Variants in TRIM3 observed in about 807,000 individuals in gnomAD.
TRIM3 encodes tripartite motif-containing protein 3.
In TRIM3, 13 loss-of-function variants were observed where a neutral mutation model predicts 66.6. The ratio of observed to expected loss-of-function variants is 0.20; its 90% confidence interval spans 0.13 to 0.31. TRIM3 has a LOEUF of 0.31. Among genes scored for constraint, TRIM3 ranks in the 10% least tolerant of loss-of-function variants. The pLI, the probability that TRIM3 is intolerant of heterozygous loss-of-function variation, is 1.00. For missense variants in TRIM3, 711 were observed against 1,020.4 expected (o/e 0.70, Z 4.13); for synonymous variants, 406 against 411.7 (o/e 0.99, Z 0.17).
In TRIM3 at chr11:6,457,412, T is replaced by C; in HGVS notation, c.580A>G (p.Lys194Glu). ...CTGATCTGGGCCAGGGCCTCTGCCTTGCGCTCCTGCAGCTGCTGGCTGATG... is the reference window on the plus strand; with the variant it reads ...CTGATCTGGGCCAGGGCCTCTGCCTCGCGCTCCTGCAGCTGCTGGCTGATG... ...GGISQQLQER[K>E]AEALAQISAA... Residue 194 changes from lysine (K) to glutamate (E), a missense_variant, in exon 5 of 12, where the codon AAG (lysine) becomes GAG (glutamate). Around this residue, in one of 3 missense-constraint regions of TRIM3, gnomAD observed 399 missense variants for 458.1 expected, o/e 0.87. Coordinates refer to ENST00000345851, the MANE Select transcript of TRIM3 (RefSeq NM_033278.4). The surrounding 1 kb of genome is among the most constrained non-coding windows in gnomAD (Gnocchi z 4.5). 1.2e-6 allele frequency: 2 copies of C among 1,613,722 alleles called. No homozygotes were observed. The highest frequency in any genetic ancestry group is 1.7e-6 in the Non-Finnish European group (2 of 1,179,962).
At chr11:6,461,880 A>G (rs914139832) in intron 2 of TRIM3, among the ~76,000 whole-genome samples, 4 of 152,148 alleles carry the variant, frequency 2.6e-5, no homozygotes, top group African/African-American at 9.7e-5. Flanking sequence ...AAAAACTCCA[A>G]TGGTTTCCCA....
Position 6,458,122 on chromosome 11 carries a change from G to A in TRIM3, c.306C>T (p.Pro102=), listed in dbSNP as rs752809928. 40 of 1,613,612 alleles carry A rather than the reference G, an allele frequency of 2.5e-5. No individual in the cohort carries two copies. Among genetic ancestry groups the A allele is most frequent in the Middle Eastern group, 1.6e-4 (1 of 6,072 alleles). The change falls in exon 3 of 12, where the codon CCC becomes CCT. Residue 102 remains proline, a synonymous_variant. Coordinates refer to ENST00000345851, the MANE Select transcript of TRIM3 (RefSeq NM_033278.4). The surrounding 1 kb of genome is among the most constrained non-coding windows in gnomAD (Gnocchi z 6.2). ...GGCCAGCCACTACACTGAGGGGGTG[G>A]GGGTCCTCCGGGTCGTGGGCCCCAT... ...APDGAHDPED[P]HPLSVVAGRP...
chr11:6,454,313 C>T (rs1486639697), intron 7 of TRIM3, among the ~76,000 whole-genome samples: 2 of 151,276 alleles, frequency 1.3e-5, no homozygotes, highest in African/African-American at 4.9e-5. Flanking sequence ...ATTGCTTGAG[C>T]ACAGGAGGTC....
chr11:6,454,634 A>G (rs1849890002), intron 7 of TRIM3, among the ~76,000 whole-genome samples: 1 of 152,120 alleles, frequency 6.6e-6, no homozygotes, highest in Non-Finnish European at 1.5e-5. Context: ...CCTCCTCACT[A>G]TCCAGGCTGG....
chr11:6,458,148 C>G lies in TRIM3; in HGVS notation c.280G>C (p.Asp94His), dbSNP rs779125524. ...SLMEAMQQAP[D>H]GAHDPEDPHP... The stretch of plus-strand genomic sequence containing the variant: ...GGGTCCTCCGGGTCGTGGGCCCCAT[C>G]AGGTGCCTGCTGCATTGCCTCCATG... The change falls in exon 3 of 12, where the codon GAT becomes CAT. Residue 94 changes from aspartate to histidine, a missense_variant. Transcript: ENST00000345851. The surrounding 1 kb of genome is among the most constrained non-coding windows in gnomAD (Gnocchi z 6.2). 2.5e-6 allele frequency: 4 copies of G among 1,614,148 alleles called. No individual in the cohort carries two copies. The highest frequency in any genetic ancestry group is 3.4e-6 in the Non-Finnish European group (4 of 1,180,044).
In TRIM3 at chr11:6,451,013, T is replaced by A; in HGVS notation, c.1749A>T (p.Val583=). Residue 583 remains valine, a synonymous_variant, in exon 9 of 12, where the codon GTA becomes GTT. Coordinates refer to ENST00000345851, the MANE Select transcript of TRIM3 (RefSeq NM_033278.4). ...CCACAATGATATGTCCATTCCGGTC[T>A]ACGGCCACTCCCTTGGGGCCCATGA... ...GRLMGPKGVA[V]DRNGHIIVVD... The A allele has an allele frequency of 2.5e-6, 4 of 1,614,218 alleles. No homozygotes were observed. Among genetic ancestry groups the A allele is most frequent in the Non-Finnish European group, 3.4e-6 (4 of 1,180,036 alleles).
intron 2 of TRIM3, among the ~76,000 whole-genome samples, chr11:6,463,833 A>G (rs1412697080): frequency 1.3e-5 from 2 of 152,234 alleles, no homozygotes; most frequent in Non-Finnish European, 2.9e-5. Flanking sequence ...CAACAGGCAC[A>G]AGAGGGTGGT....
At chr11:6,465,469 G>A in intron 2 of TRIM3, 96 bp downstream of exon 2, 1 of 1,495,158 alleles carries the variant, frequency 6.7e-7, no homozygotes, top group Non-Finnish European at 9.2e-7. Context: ...ACCTACTACA[G>A]GTTTACACAT....
chr11:6,468,329 T>C (rs191824278), intron 1 of TRIM3, among the ~76,000 whole-genome samples: 1 of 152,238 alleles, frequency 6.6e-6, no homozygotes, highest in Admixed American at 6.5e-5. Context: ...GGTAGAGCTG[T>C]CAAGTAAGAA....
intron 1 of TRIM3, among the ~76,000 whole-genome samples, chr11:6,471,526 A>C (rs1373979384): frequency 6.6e-6 from 1 of 152,222 alleles, no homozygotes; most frequent in Non-Finnish European, 1.5e-5. Flanking sequence ...AAGTGAATGA[A>C]CCATTCAATC....
intron 2 of TRIM3, among the ~76,000 whole-genome samples, chr11:6,463,995 C>T (rs1850344552): frequency 6.6e-6 from 1 of 152,096 alleles, no homozygotes; most frequent in Non-Finnish European, 1.5e-5. Flanking sequence ...TCCGTTGGGG[C>T]AGAAGGCAGA....
intron 7 of TRIM3, chr11:6,451,693 A>C: frequency 2.0e-6 from 1 of 496,390 alleles, no homozygotes; most frequent in Non-Finnish European, 3.6e-6. Flanking sequence ...ATGTCTGAAC[A>C]AATAGCCTAA....
At position 6,459,987 on chromosome 11, in the gene TRIM3, G is replaced by A. The variant is rs765801651; in HGVS notation, c.132-1691C>T. 3.3e-5 allele frequency among the ~76,000 whole-genome samples: 5 copies of A among 152,276 alleles called. No homozygotes were observed. The South Asian group carries it at 8.3e-4, about 25-fold the overall frequency. ...ATGCCATCAACATTTAGATGGCTTC[G>A]GTAGCACTGGGAGAGGATGAGATCA... On this transcript the variant is annotated intron_variant, in intron 2 of 11. Transcript: ENST00000345851.
chr11:6,461,310 T>TC (rs1262853097), intron 2 of TRIM3, among the ~76,000 whole-genome samples: 2 of 152,168 alleles, frequency 1.3e-5, no homozygotes, highest in Admixed American at 6.5e-5. Flanking sequence ...GCTTGAGCCC[T>TC]CCCTCTTCCC....
In TRIM3 at chr11:6,457,251, C is replaced by T; in HGVS notation, c.696+45G>A. The T allele has an allele frequency of 6.2e-7, 1 of 1,603,504 alleles. No individual in the cohort carries two copies. The highest frequency in any genetic ancestry group is 8.5e-7 in the Non-Finnish European group (1 of 1,174,226). On this transcript the variant is annotated intron_variant, in intron 5 of 11. Transcript: ENST00000345851. The surrounding 1 kb of genome is among the most constrained non-coding windows in gnomAD (Gnocchi z 4.5). ...CAGAGGAACAATGGAGGCAATAACA[C>T]CATCACAATGGACGATGGTAGGAAA...
Position 6,449,341 on chromosome 11 carries a change from T to G in TRIM3, c.2047A>C (p.Ile683Leu). 1 of 1,614,120 alleles carries G rather than the reference T, an allele frequency of 6.2e-7. No individual in the cohort carries two copies. Among genetic ancestry groups the G allele is most frequent in the South Asian group, 1.1e-5 (1 of 91,076 alleles). Residue 683 changes from isoleucine (I) to leucine (L), a missense_variant, in exon 11 of 12, where the codon ATC becomes CTC. Transcript: ENST00000345851. The surrounding 1 kb of genome is among the most constrained non-coding windows in gnomAD (Gnocchi z 5.3). ...TGVAVDSNGN[I>L]IVADWGNSRI... ...CTGTTGCCCCAGTCAGCCACAATGA[T>G]GTTTCCATTGGAGTCCACAGCTACT...
At chr11:6,468,611 C>T (rs74431800) in intron 1 of TRIM3, among the ~76,000 whole-genome samples, 12,373 of 152,112 alleles carry the variant, frequency 0.081, 1,127 homozygotes, top group African/African-American at 0.22. Context: ...AAGTAAGAAA[C>T]GGACTGAAGA....
chr11:6,472,012 A>C (rs544518543), intron 1 of TRIM3, among the ~76,000 whole-genome samples: 2 of 152,312 alleles, frequency 1.3e-5, no homozygotes, highest in East Asian at 3.9e-4. Context: ...AGGCACCACC[A>C]CTCACCCACC....
chr11:6,451,367 G>A lies in TRIM3; in HGVS notation c.1605C>T (p.Arg535=), dbSNP rs890425836. ...VRGRSPGQLQ[R]PTGVAVDTNG... ...TGGTGTCCACTGCCACACCTGTGGG[G>A]CGCTGCAGCTGCCCAGGTGAGCGTC... The change falls in exon 8 of 12, where the codon CGC becomes CGT. Residue 535 remains arginine, a synonymous_variant. Transcript: ENST00000345851. 3 of 1,614,216 alleles carry A rather than the reference G, an allele frequency of 1.9e-6. No homozygotes were observed. The highest frequency in any genetic ancestry group is 3.3e-5 in the Admixed American group (2 of 60,024).
Sources: allele counts gnomAD v4.1 joint callset (sites outside exome capture counted in the v4.1 genomes callset), GRCh38; gene constraint gnomAD v4.1.1; regional missense constraint gnomAD v4.1.1; non-coding constraint Gnocchi (gnomAD v3.1); transcripts MANE v1.5; gene names NCBI Gene and HGNC (gene_info 2026-07-23, HGNC 2026-07-21).